NTM: variants seen among roughly 807,000 people sequenced by gnomAD.
The protein encoded by NTM is IgLON family member 2.
A neutral mutation model predicts 42.1 loss-of-function variants in NTM; 13 were observed. The ratio of observed to expected loss-of-function variants is 0.31; its 90% CI spans 0.20 to 0.49. The LOEUF is 0.49. Among genes scored for constraint, NTM ranks in the 20% least tolerant of loss-of-function variants. The pLI, the probability that NTM is intolerant of heterozygous loss-of-function variation, is 0.99. For missense variants in NTM, 373 were observed against 452.8 expected (o/e 0.82, Z 1.60); for synonymous variants, 187 against 179.2 (o/e 1.04, Z -0.35).
intron 3 of NTM, among the ~76,000 whole-genome samples, chr11:132,159,805 T>G (rs1276079413): frequency 6.6e-6 from 1 of 152,142 alleles, no homozygotes; most frequent in East Asian, 1.9e-4. Flanking sequence ...GAACTGGGAA[T>G]CACAGGCTGG....
At chr11:132,148,904 A>C (rs950327579) in intron 3 of NTM, among the ~76,000 whole-genome samples, 1 of 152,112 alleles carries the variant, frequency 6.6e-6, no homozygotes, top group African/African-American at 2.4e-5. Flanking sequence ...AGGTGTTTAC[A>C]TCTGTGACTT....
chr11:132,250,732 T>A (rs953293558), intron 4 of NTM, among the ~76,000 whole-genome samples: 9 of 152,210 alleles, frequency 5.9e-5, no homozygotes, highest in Non-Finnish European at 1.2e-4. Flanking sequence ...TTTCCTCAAA[T>A]ATGCTAGTTA....
intron 4 of NTM, among the ~76,000 whole-genome samples, chr11:132,274,725 T>C (rs1326684879): frequency 1.3e-5 from 2 of 152,208 alleles, no homozygotes; most frequent in Admixed American, 6.5e-5. Context: ...TAGCATTTAA[T>C]GTGTTCCAAG....
At chr11:131,496,184 C>A (rs1005014280) in intron 1 of NTM, among the ~76,000 whole-genome samples, 11 of 152,190 alleles carry the variant, frequency 7.2e-5, no homozygotes, top group East Asian at 1.9e-4. Context: ...GAGTAAGAAG[C>A]ATTTTAGGGT....
At chr11:132,061,760 G>A (rs906454960) in intron 2 of NTM, among the ~76,000 whole-genome samples, 1 of 152,126 alleles carries the variant, frequency 6.6e-6, no homozygotes, top group Non-Finnish European at 1.5e-5. Flanking sequence ...TACAGTTCAA[G>A]CATCTTCTGT....
chr11:131,593,989 G>C (rs75898224), intron 1 of NTM, among the ~76,000 whole-genome samples: 1,868 of 152,248 alleles, frequency 0.012, 43 homozygotes, highest in African/African-American at 0.043. Flanking sequence ...GGCAATATTT[G>C]GTCAGGTTGC....
chr11:131,761,089 G>A (rs1247171191), intron 1 of NTM, among the ~76,000 whole-genome samples: 1 of 152,130 alleles, frequency 6.6e-6, no homozygotes, highest in Admixed American at 6.5e-5. Flanking sequence ...GGGAAGCGGG[G>A]AGGACAGAAC....
chr11:131,745,635 G>T, intron 1 of NTM, among the ~76,000 whole-genome samples: 1 of 152,168 alleles, frequency 6.6e-6, no homozygotes, highest in Middle Eastern at 3.4e-3. Flanking sequence ...AGTTGCTCTC[G>T]TGGCCTTAGC....
intron 1 of NTM, among the ~76,000 whole-genome samples, chr11:131,818,071 C>A (rs2093026044): frequency 6.6e-6 from 1 of 152,198 alleles, no homozygotes; most frequent in Non-Finnish European, 1.5e-5. Context: ...CGGCTTTTGG[C>A]ACCCACCAGT....
intron 3 of NTM, among the ~76,000 whole-genome samples, chr11:132,189,716 G>A (rs2078998871): frequency 6.6e-6 from 1 of 151,930 alleles, no homozygotes; most frequent in African/African-American, 2.4e-5. Flanking sequence ...TGACAGCAAT[G>A]GTTTAATCAC....
chr11:131,517,556 C>T (rs2136521134), intron 1 of NTM, among the ~76,000 whole-genome samples: 1 of 152,344 alleles, frequency 6.6e-6, no homozygotes, highest in Middle Eastern at 3.4e-3. Context: ...GCCCTCTCCA[C>T]AGCCATCCTA....
intron 1 of NTM, among the ~76,000 whole-genome samples, chr11:131,767,885 C>T (rs545161697): frequency 1.3e-5 from 2 of 152,196 alleles, no homozygotes; most frequent in African/African-American, 4.8e-5. Flanking sequence ...TCAAATCCAC[C>T]TCCCGATGGG....
intron 1 of NTM, among the ~76,000 whole-genome samples, chr11:131,772,808 T>C (rs1210751487): frequency 1.3e-5 from 2 of 152,174 alleles, no homozygotes; most frequent in African/African-American, 4.8e-5. Context: ...AGTTCACACA[T>C]GGAATTTAAA....
At chr11:132,145,762 T>A (rs551175962) in intron 2 of NTM, among the ~76,000 whole-genome samples, 2 of 152,312 alleles carry the variant, frequency 1.3e-5, no homozygotes, top group South Asian at 4.1e-4. Flanking sequence ...AGAGGAATGA[T>A]GTTTAGTAGT....
intron 2 of NTM, among the ~76,000 whole-genome samples, chr11:132,077,521 A>AC (rs2058519818): frequency 6.6e-6 from 1 of 151,924 alleles, no homozygotes; most frequent in Admixed American, 6.6e-5. Flanking sequence ...CCACTATCTA[A>AC]CCCCCATCAC....
At chr11:132,096,454 G>C (rs2061000523) in intron 2 of NTM, among the ~76,000 whole-genome samples, 1 of 152,152 alleles carries the variant, frequency 6.6e-6, no homozygotes, top group Non-Finnish European at 1.5e-5. Flanking sequence ...GTTGCATTTA[G>C]AATGGGGAAT....
At chr11:132,037,200 G>T (rs572443040) in intron 2 of NTM, among the ~76,000 whole-genome samples, 37 of 152,160 alleles carry the variant, frequency 2.4e-4, no homozygotes, top group African/African-American at 8.4e-4. Context: ...CTCTTGCTCT[G>T]TTAGTTGCTA....
intron 3 of NTM, among the ~76,000 whole-genome samples, chr11:132,177,359 C>T (rs2076976143): frequency 6.6e-6 from 1 of 152,152 alleles, no homozygotes; most frequent in Admixed American, 6.5e-5. Flanking sequence ...TATTATAGCT[C>T]AGCAGTGGCA....
Position 132,256,290 on chromosome 11 carries a change from C to G in NTM, c.526+44143C>G, listed in dbSNP as rs1388239492. Among the ~76,000 whole-genome samples the G allele has an allele frequency of 3.9e-5, 6 of 152,318 alleles. No individual in the cohort carries two copies. The East Asian group carries it at 1.2e-3, about 29-fold the overall frequency. ...AGGAAGACAGCATTACTGACCAGAC[C>G]ACAGTCATGACCATAGCATCTGAAA... On this transcript the variant is annotated intron_variant, in intron 4 of 8. Coordinates refer to ENST00000683400, the MANE Select transcript of NTM (RefSeq NM_001352005.2).
Sources: allele counts gnomAD v4.1 joint callset (sites outside exome capture counted in the v4.1 genomes callset), GRCh38; gene constraint gnomAD v4.1.1; transcripts MANE v1.5; gene names NCBI Gene and HGNC (gene_info 2026-07-23, HGNC 2026-07-21).